REEP3: variants seen among roughly 807,000 people sequenced by gnomAD.
REEP3 encodes the protein receptor expression-enhancing protein 3.
Under a neutral mutation model 41.3 loss-of-function variants are expected in REEP3, and 20 were observed. That is an observed-to-expected ratio of 0.48 (90% CI 0.34 to 0.70). The LOEUF (loss-of-function observed/expected upper bound fraction) is 0.70. Among genes scored for constraint, REEP3 ranks in the 30% least tolerant of loss-of-function variants. The pLI is 0.01. For synonymous variants in REEP3, 104 were observed against 101.8 expected (o/e 1.02, Z -0.13); for missense variants, 271 against 308.8 (o/e 0.88, Z 0.92).
At chr10:63,569,794 TA>T (rs1299024497) in intron 2 of REEP3, among the ~76,000 whole-genome samples, 3 of 151,906 alleles carry the variant, frequency 2.0e-5, no homozygotes, top group Admixed American at 6.6e-5. Context: ...ATATAAAAAT[TA>T]GCCGGGTATG....
chr10:63,575,233 T>C (rs1955888125), intron 2 of REEP3, among the ~76,000 whole-genome samples: 1 of 152,216 alleles, frequency 6.6e-6, no homozygotes, highest in Non-Finnish European at 1.5e-5. Context: ...TCATTGTCTT[T>C]AACTTCTGGT....
intron 1 of REEP3, among the ~76,000 whole-genome samples, chr10:63,546,909 A>G (rs1955583203): frequency 6.6e-6 from 1 of 152,156 alleles, no homozygotes; most frequent in African/African-American, 2.4e-5. Context: ...AAGATAATAT[A>G]GAAAACTTCT....
chr10:63,624,869 T>G lies in REEP3; in HGVS notation c.*4000T>G, dbSNP rs531999703. 3 of 152,260 alleles carry G rather than the reference T, an allele frequency of 2.0e-5. No individual in the cohort carries two copies. The highest frequency in any genetic ancestry group is 4.4e-5 in the Non-Finnish European group (3 of 67,972). 9.4% of individuals were successfully genotyped at this position (152,260 alleles called of 1,614,324 possible). ...TCAGGCATAAAATGTAACACAAAAT[T>G]CAGATTTATGTATCCTGGAAATGTT... On this transcript the variant is annotated 3_prime_UTR_variant, in exon 8 of 8. Transcript: ENST00000373758.
chr10:63,617,261 T>C (rs1956319007), intron 6 of REEP3, among the ~76,000 whole-genome samples: 1 of 152,170 alleles, frequency 6.6e-6, no homozygotes, highest in South Asian at 2.1e-4. Context: ...AGCCTAGAAG[T>C]CTAAGAACAT....
chr10:63,599,371 G>A, intron 5 of REEP3, 88 bp downstream of exon 5: 4 of 522,796 alleles, frequency 7.7e-6, no homozygotes, highest in South Asian at 4.2e-5. Flanking sequence ...ATAAAATTGT[G>A]GCATTTTGCT....
intron 1 of REEP3, among the ~76,000 whole-genome samples, chr10:63,563,652 C>T (rs1234440150): frequency 2.0e-5 from 3 of 151,930 alleles, no homozygotes; most frequent in Admixed American, 2.0e-4. Flanking sequence ...GAATAACTCC[C>T]CACTCAAGCA....
At chr10:63,555,266 C>A (rs1955667498) in intron 1 of REEP3, among the ~76,000 whole-genome samples, 1 of 151,990 alleles carries the variant, frequency 6.6e-6, no homozygotes, top group Admixed American at 6.6e-5. Context: ...TTTTTTTCCC[C>A]ATGGGTTTGA....
chr10:63,543,142 T>C (rs1411909285), intron 1 of REEP3, among the ~76,000 whole-genome samples: 1 of 152,152 alleles, frequency 6.6e-6, no homozygotes, highest in African/African-American at 2.4e-5. Flanking sequence ...AGTTATCTAA[T>C]ACTGTGTAAC....
At chr10:63,598,790 A>AG (rs1285216026) in intron 4 of REEP3, among the ~76,000 whole-genome samples, 2 of 151,308 alleles carry the variant, frequency 1.3e-5, no homozygotes, top group African/African-American at 2.4e-5. Flanking sequence ...TCTCAAAAAA[A>AG]AAAAAAAAAG....
intron 2 of REEP3, among the ~76,000 whole-genome samples, chr10:63,583,221 GACC>G (rs1015473119): frequency 2.0e-5 from 3 of 152,066 alleles, no homozygotes; most frequent in Admixed American, 6.6e-5. Flanking sequence ...TTGATCACCT[GACC>G]TCATGATCCG....
At chr10:63,577,782 G>A (rs1955910893) in intron 2 of REEP3, among the ~76,000 whole-genome samples, 1 of 151,956 alleles carries the variant, frequency 6.6e-6, no homozygotes, top group African/African-American at 2.4e-5. Context: ...CTTTTGGCGA[G>A]CTCTGCAGTG....
At chr10:63,521,675 CG>C in intron 1 of REEP3, 98 bp downstream of exon 1, 1 of 894,774 alleles carries the variant, frequency 1.1e-6, no homozygotes, top group Non-Finnish European at 1.5e-6. Flanking sequence ...TGGGCCTGGG[CG>C]GGGACGGGGT....
At chr10:63,598,605 A>T (rs1956140612) in intron 4 of REEP3, among the ~76,000 whole-genome samples, 1 of 151,594 alleles carries the variant, frequency 6.6e-6, no homozygotes, top group Non-Finnish European at 1.5e-5. Flanking sequence ...TAACACGGTG[A>T]AACCCTGTCT....
At chr10:63,532,964 G>A (rs1425340033) in intron 1 of REEP3, among the ~76,000 whole-genome samples, 3 of 152,196 alleles carry the variant, frequency 2.0e-5, no homozygotes, top group African/African-American at 7.2e-5. Flanking sequence ...TCATCACATG[G>A]GGAAGGGGGA....
chr10:63,538,980 C>T (rs941187366), intron 1 of REEP3, among the ~76,000 whole-genome samples: 1 of 152,018 alleles, frequency 6.6e-6, no homozygotes, highest in Admixed American at 6.6e-5. Context: ...AGAACATAAC[C>T]GTGAGACATT....
chr10:63,557,418 A>C (rs1955699482), intron 1 of REEP3, among the ~76,000 whole-genome samples: 1 of 152,198 alleles, frequency 6.6e-6, no homozygotes, highest in African/African-American at 2.4e-5. Context: ...AACTTATCTT[A>C]CTGTTTGGAT....
intron 2 of REEP3, among the ~76,000 whole-genome samples, chr10:63,570,636 G>C (rs544694228): frequency 6.6e-6 from 1 of 152,182 alleles, no homozygotes; most frequent in Non-Finnish European, 1.5e-5. Flanking sequence ...ATTAGGGAAG[G>C]TAAAAGGCAG....
At chr10:63,619,917 GATT>G in intron 7 of REEP3, 117 bp downstream of exon 7, 5 of 228,846 alleles carry the variant, frequency 2.2e-5, no homozygotes, top group Admixed American at 6.4e-5. Flanking sequence ...ACAGCAGTTT[GATT>G]TTTTTTTTTT....
chr10:63,552,328 A>T (rs1011197670), intron 1 of REEP3, among the ~76,000 whole-genome samples: 5 of 152,014 alleles, frequency 3.3e-5, no homozygotes. Context: ...GGAGAATGGC[A>T]TGAATTCAGG....
Sources: gnomAD v4.1 joint callset for allele counts (sites outside exome capture counted in the v4.1 genomes callset) on GRCh38, gnomAD v4.1.1 for gene constraint, MANE v1.5 for transcripts, NCBI Gene and HGNC (gene_info 2026-07-23, HGNC 2026-07-21) for gene names.